BRCA1: variants seen among roughly 807,000 people sequenced by gnomAD.
BRCA1 encodes the protein breast cancer type 1 susceptibility protein.
Under a neutral mutation model 173.7 loss-of-function variants are expected in BRCA1, and 140 were observed. That is an observed-to-expected ratio of 0.81 (90% CI 0.70 to 0.93). BRCA1 has a LOEUF of 0.93. Ranked by LOEUF, BRCA1 falls within the 40% of genes least tolerant of loss-of-function variation. The probability of loss-of-function intolerance (pLI) is 0.00; values close to 1 mark genes in which losing one functional copy is unlikely to be tolerated. For synonymous variants in BRCA1, 662 were observed against 756.0 expected, an observed-to-expected ratio of 0.88 and a Z score of 2.04; for missense variants, 1,983 against 2,172.5, an observed-to-expected ratio of 0.91 and a Z score of 1.73.
chr17:43,076,361 C>T (rs1429804829), intron 13 of BRCA1, 127 bp downstream of exon 13: 2 of 1,125,374 alleles, frequency 1.8e-6, no homozygotes, highest in Non-Finnish European at 2.6e-6. Context: ...TATCCTAGAG[C>T]AATAAAAGTG....
chr17:43,093,120 T>C lies in BRCA1; in HGVS notation c.2411A>G (p.Gln804Arg). The C allele has an allele frequency of 6.2e-7, 1 of 1,613,624 alleles. No individual in the cohort carries two copies. The highest frequency in any genetic ancestry group is 8.5e-7 in the Non-Finnish European group (1 of 1,179,910). Residue 804 changes from glutamine (Q) to arginine (R), a missense_variant, in exon 10 of 23, where the codon CAG becomes CGG. Transcript: ENST00000357654. ...CTTGGGGTTTTCAAATGCTGCACAC[T>C]GACTCACACATTTATTTGGTTCTGT... ...AKTEPNKCVS[Q>R]CAAFENPKGL...
chr17:43,140,724 C>T (rs746314597), intron 1 of BRCA1, among the ~76,000 whole-genome samples: 5 of 152,182 alleles, frequency 3.3e-5, no homozygotes, highest in South Asian at 4.1e-4. Flanking sequence ...AGATGTCCGG[C>T]CCTCTCCCTA....
intron 4 of BRCA1, 103 bp from the exon 5 acceptor site, chr17:43,105,059 G>A (rs1241286306): frequency 3.2e-6 from 3 of 933,284 alleles, no homozygotes; most frequent in Non-Finnish European, 5.1e-6. Flanking sequence ...ATAAGATGCA[G>A]CAACAGTAGA....
chr17:43,063,525 G>T, intron 17 of BRCA1, 152 bp from the exon 18 acceptor site: 1 of 703,216 alleles, frequency 1.4e-6, no homozygotes, highest in Non-Finnish European at 2.5e-6. Flanking sequence ...AATAAGGCTT[G>T]TAGCAGCAGT....
chr17:43,131,907 C>T (rs1290870887), intron 1 of BRCA1, among the ~76,000 whole-genome samples: 1 of 152,054 alleles, frequency 6.6e-6, no homozygotes, highest in Admixed American at 6.6e-5. Context: ...CCTCAGCCTC[C>T]CAAGTAGCTG....
At chr17:43,154,981 G>A (rs1406095768) in intron 1 of BRCA1, among the ~76,000 whole-genome samples, 1 of 152,134 alleles carries the variant, frequency 6.6e-6, no homozygotes, top group Non-Finnish European at 1.5e-5. Flanking sequence ...GAGCATTCCA[G>A]GAAAGAGGGA....
chr17:43,100,678 A>AC (rs1491277616), intron 6 of BRCA1, among the ~76,000 whole-genome samples: 5 of 36,252 alleles, frequency 1.4e-4, no homozygotes, highest in Admixed American at 5.4e-4. Context: ...ATATATATAT[A>AC]ATATATATAT....
intron 1 of BRCA1, among the ~76,000 whole-genome samples, chr17:43,158,667 T>C (rs1180895412): frequency 1.3e-5 from 2 of 152,252 alleles, no homozygotes; most frequent in Non-Finnish European, 2.9e-5. Flanking sequence ...TATTATTTAA[T>C]TTATTCAACA....
rs1479237673 is a variant in BRCA1, at chr17:43,063,214, A to G, written c.5193+119T>C. The stretch of plus-strand genomic sequence containing the variant: ...TGCATAATTCTTGATGATCCTCATT[A>G]TCATGGAAAATTTGTGCATTGTTAA... On this transcript the variant is annotated intron_variant, in intron 18 of 22. Coordinates refer to ENST00000357654, the MANE Select transcript of BRCA1 (RefSeq NM_007294.4). 1.7e-5 allele frequency: 14 copies of G among 842,568 alleles called. 1 individual carries two copies. The highest frequency in any genetic ancestry group is 1.1e-4 in the South Asian group (8 of 70,648). The allele number at this position is 842,568 out of a possible 1,614,324, so 52.2% of individuals were successfully genotyped here.
intron 3 of BRCA1, among the ~76,000 whole-genome samples, chr17:43,112,952 C>T (rs939812065): frequency 2.0e-5 from 3 of 151,990 alleles, no homozygotes; most frequent in African/African-American, 7.3e-5. Context: ...TACAGGCATG[C>T]GCCTCCACGC....
At chr17:43,068,917 G>A (rs1452779846) in intron 15 of BRCA1, among the ~76,000 whole-genome samples, 1 of 152,156 alleles carries the variant, frequency 6.6e-6, no homozygotes, top group African/African-American at 2.4e-5. Flanking sequence ...AAAATCAATA[G>A]GCAGCAAAAG....
intron 1 of BRCA1, among the ~76,000 whole-genome samples, chr17:43,154,213 C>T (rs9894934): frequency 1.3e-5 from 2 of 150,982 alleles, no homozygotes; most frequent in Admixed American, 6.6e-5. Flanking sequence ...AGGCCAGGCA[C>T]GGGGGCTCAC....
intron 2 of BRCA1, among the ~76,000 whole-genome samples, chr17:43,120,622 G>A (rs1180395758): frequency 3.3e-5 from 5 of 152,022 alleles, no homozygotes; most frequent in African/African-American, 7.2e-5. Flanking sequence ...AAAATTAGCC[G>A]GGCGTGGTGG....
chr17:43,056,929 G>T, intron 19 of BRCA1, 123 bp downstream of exon 19: 2 of 875,530 alleles, frequency 2.3e-6, no homozygotes, highest in Non-Finnish European at 3.9e-6. Context: ...CTGTGTGAAA[G>T]TATCTAGCAC....
intron 6 of BRCA1, among the ~76,000 whole-genome samples, chr17:43,100,676 A>AT (rs1567807701): frequency 8.2e-4 from 23 of 27,902 alleles, no homozygotes; most frequent in African/African-American, 7.1e-3. Flanking sequence ...ATATATATAT[A>AT]TAATATATAT....
At chr17:43,159,086 A>C (rs1230498447) in intron 1 of BRCA1, among the ~76,000 whole-genome samples, 2 of 151,260 alleles carry the variant, frequency 1.3e-5, no homozygotes, top group Admixed American at 6.6e-5. Context: ...CACACACACA[A>C]ACACACACAC....
At chr17:43,086,641 A>T (rs935525282) in intron 11 of BRCA1, among the ~76,000 whole-genome samples, 12 of 152,234 alleles carry the variant, frequency 7.9e-5, no homozygotes, top group Admixed American at 7.9e-4. Context: ...AAAAACAAGG[A>T]CATTGTATAT....
intron 1 of BRCA1, among the ~76,000 whole-genome samples, chr17:43,168,841 G>A (rs2056289011): frequency 6.6e-6 from 1 of 152,148 alleles, no homozygotes; most frequent in African/African-American, 2.4e-5. Flanking sequence ...GACCGGGTAA[G>A]TGGTGAGCTT....
rs1286657311 is a variant in BRCA1, at chr17:43,131,929, A to G, written c.-19-7814T>C. On this transcript the variant is annotated intron_variant, in intron 1 of 7. Transcript: ENST00000634433. ...CTCCCAAGTAGCTGGGACTACAGGC[A>G]TGCACCACCATGCCTGGCTAATTTT... Among the ~76,000 whole-genome samples the G allele has an allele frequency of 2.0e-5, 3 of 152,118 alleles. No homozygotes were observed. In the East Asian group the frequency reaches 5.9e-4, roughly 30 times the overall value.
Sources: allele counts gnomAD v4.1 joint callset (sites outside exome capture counted in the v4.1 genomes callset), GRCh38; gene constraint gnomAD v4.1.1; transcripts MANE v1.5; gene names NCBI Gene and HGNC (gene_info 2026-07-23, HGNC 2026-07-21).